Variants in ACSL6 observed in about 807,000 individuals in gnomAD.
ACSL6 encodes long-chain-fatty-acid--CoA ligase 6.
Under a neutral mutation model 98.2 loss-of-function variants are expected in ACSL6, and 47 were observed. That is an observed-to-expected ratio of 0.48 (90% CI 0.38 to 0.61). ACSL6 has a LOEUF of 0.61. Ranked by LOEUF, ACSL6 falls within the 20% of genes least tolerant of loss-of-function variation. ACSL6 has a pLI of 0.00. For synonymous variants in ACSL6, 362 were observed against 336.9 expected, an observed-to-expected ratio of 1.07 and a Z score of -0.82; for missense variants, 761 against 913.4, an observed-to-expected ratio of 0.83 and a Z score of 2.15.
chr5:131,972,413 G>A (rs1407886956), intron 13 of ACSL6, among the ~76,000 whole-genome samples: 2 of 152,128 alleles, frequency 1.3e-5, no homozygotes, highest in Non-Finnish European at 2.9e-5. Flanking sequence ...GAACTTCAGG[G>A]CCCAGGAGCT....
chr5:132,011,997 C>G, upstream of ACSL6: 1 of 1,491,674 alleles, frequency 6.7e-7, no homozygotes, highest in Non-Finnish European at 9.0e-7. The surrounding 1 kb of genome is among the most constrained non-coding windows in gnomAD (Gnocchi z 5.4). Context: ...CCGCCGCCAC[C>G]CACCCCATCA....
In ACSL6 at chr5:131,971,592, T is replaced by C; in HGVS notation, c.1392A>G (p.Ser464=). The change falls in exon 14 of 21, where the codon TCA becomes TCG. Residue 464 remains serine (S), a synonymous_variant. Transcript: ENST00000651883. The part of the protein sequence containing the change: ...RMIVTGAAPA[S]PTVLGFLRAA... The stretch of plus-strand genomic sequence containing the variant: ...CCCGGAGAAATCCCAGAACTGTTGG[T>C]GATGCTGGGGCTGCTCCAGTAACAA... The C allele has an allele frequency of 6.2e-7, 1 of 1,612,128 alleles. No homozygotes were observed. Among genetic ancestry groups the C allele is most frequent in the Non-Finnish European group, 8.5e-7 (1 of 1,178,990 alleles).
At chr5:131,985,503 C>T (rs761712958) in intron 8 of ACSL6, 45 bp from the exon 9 acceptor site, 6 of 1,607,828 alleles carry the variant, frequency 3.7e-6, no homozygotes, top group South Asian at 2.2e-5. Flanking sequence ...CCCAGTGTGG[C>T]CAGCCAGGGC....
At position 131,988,289 on chromosome 5, in the gene ACSL6, GTGCCAGGCAGCACA is replaced by G. The variant is rs1218255696; in HGVS notation, c.653-77_653-64del. On this transcript the variant is annotated intron_variant, in intron 6 of 20. Transcript: ENST00000651883. Reference sequence around the variant, plus strand: ...CCCAGGTCATGAGTGCAGGCAGCATGTGCCAGGCAGCACATGCCAGGCAGCACTTCCATGGTCTG... The same window carrying G: ...CCCAGGTCATGAGTGCAGGCAGCATGTGCCAGGCAGCACTTCCATGGTCTG... The G allele has an allele frequency of 1.8e-5, 28 of 1,575,078 alleles. No individual in the cohort carries two copies. The East Asian group carries it at 2.9e-4, about 16-fold the overall frequency.
intron 12 of ACSL6, among the ~76,000 whole-genome samples, 187 bp downstream of exon 12, chr5:131,973,079 G>A (rs926854091): frequency 2.6e-5 from 4 of 152,260 alleles, no homozygotes; most frequent in South Asian, 2.1e-4. Flanking sequence ...CTCCCGCAGG[G>A]GTATTTGGAG....
Position 131,960,633 on chromosome 5 carries a change from A to G in ACSL6, c.1858-12T>C. ...CCTACCAAAAAGGCCTGCAGTGCTC[A>G]CCAAAGGAGAACACAGTCATGACAA... On this transcript the variant is annotated splice_polypyrimidine_tract_variant and intron_variant, in intron 18 of 20. Coordinates refer to ENST00000651883, the MANE Select transcript of ACSL6 (RefSeq NM_001009185.3). 2 of 1,602,862 alleles carry G rather than the reference A, an allele frequency of 1.2e-6. No individual in the cohort carries two copies. The highest frequency in any genetic ancestry group is 1.7e-6 in the Non-Finnish European group (2 of 1,173,104).
chr5:131,966,742 C>T (rs1753035387), intron 16 of ACSL6, among the ~76,000 whole-genome samples: 1 of 152,226 alleles, frequency 6.6e-6, no homozygotes, highest in Non-Finnish European at 1.5e-5. Flanking sequence ...CCATCTTTCC[C>T]CCCTGCCCTG....
At chr5:132,010,283 C>A (rs1755638412) in intron 1 of ACSL6, among the ~76,000 whole-genome samples, 1 of 152,164 alleles carries the variant, frequency 6.6e-6, no homozygotes, top group Non-Finnish European at 1.5e-5. Context: ...ACTAGGCCCA[C>A]CAACCCTCCA....
intron 10 of ACSL6, 59 bp downstream of exon 10, chr5:131,976,589 C>A: frequency 7.2e-7 from 1 of 1,391,272 alleles, no homozygotes; most frequent in Non-Finnish European, 1.0e-6. Flanking sequence ...AAAAAAAATC[C>A]TCTGAGGCTT....
At chr5:131,966,657 G>A in intron 16 of ACSL6, 125 bp from the exon 17 acceptor site, 1 of 818,738 alleles carries the variant, frequency 1.2e-6, no homozygotes, top group Non-Finnish European at 2.1e-6. Context: ...GATATGGCAG[G>A]GATGGAAACA....
chr5:131,988,362 A>C (rs1754312081), intron 6 of ACSL6, 136 bp from the exon 7 acceptor site: 1 of 1,304,166 alleles, frequency 7.7e-7, no homozygotes. Flanking sequence ...TAAATACATA[A>C]GACAGGCCTC....
At position 131,953,905 on chromosome 5, in the gene ACSL6, T is replaced by C. The variant is rs552498654; in HGVS notation, c.*329A>G. The C allele has an allele frequency of 6.8e-5, 15 of 219,528 alleles. No homozygotes were observed. The highest frequency in any genetic ancestry group is 2.9e-4 in the African/African-American group (13 of 44,584). The allele number at this position is 219,528 out of a possible 1,614,324, so 13.6% of individuals were successfully genotyped here. ...ATAATTAAGTAGAATATATCACTTA[T>C]GTTTTTCCTTTATGTTTAATAGTTC... On this transcript the variant is annotated 3_prime_UTR_variant, in exon 21 of 21. Coordinates refer to ENST00000651883, the MANE Select transcript of ACSL6 (RefSeq NM_001009185.3).
chr5:131,960,651 C>G (rs755736132), intron 18 of ACSL6, 30 bp from the exon 19 acceptor site: 2 of 1,558,128 alleles, frequency 1.3e-6, no homozygotes, highest in South Asian at 2.3e-5. Flanking sequence ...AGAACACAGT[C>G]ATGACAAATG....
chr5:131,989,479 G>A lies in ACSL6; in HGVS notation c.480C>T (p.Ser160=), dbSNP rs771369534. 29 of 1,613,550 alleles carry A rather than the reference G, an allele frequency of 1.8e-5. No homozygotes were observed. The highest frequency in any genetic ancestry group is 1.7e-4 in the Middle Eastern group (1 of 6,058). The change falls in exon 5 of 21, where the codon TCC becomes TCT. Residue 160 remains serine (S), a synonymous_variant. Coordinates refer to ENST00000651883, the MANE Select transcript of ACSL6 (RefSeq NM_001009185.3). ...EVADRAEFLG[S]GLLQHNCKAC... Reference sequence around the variant, plus strand: ...CTTTACAATTGTGCTGGAGAAGTCCGGACCCCAGAAATTCAGCCCTGTCGG... The same window carrying A: ...CTTTACAATTGTGCTGGAGAAGTCCAGACCCCAGAAATTCAGCCCTGTCGG...
At chr5:131,977,820 T>C (rs1349627008) in intron 9 of ACSL6, among the ~76,000 whole-genome samples, 1 of 152,112 alleles carries the variant, frequency 6.6e-6, no homozygotes, top group Non-Finnish European at 1.5e-5. Context: ...CACTTTAAAA[T>C]GGAGTTGATT....
At position 131,988,195 on chromosome 5, in the gene ACSL6, A is replaced by C; in HGVS notation, c.684T>G (p.Pro228=). Residue 228 remains proline (P), a synonymous_variant, in exon 7 of 21, where the codon CCT becomes CCG. Coordinates refer to ENST00000651883, the MANE Select transcript of ACSL6 (RefSeq NM_001009185.3). ...GCTCTAGCAGAAGCACAGCCTTCTG[A>C]GGTTTGTCCACAATCACGGTGCTGA... ...ADISTVIVDK[P]QKAVLLLEHV... The C allele has an allele frequency of 6.2e-7, 1 of 1,614,072 alleles. No individual in the cohort carries two copies. Among genetic ancestry groups the C allele is most frequent in the Non-Finnish European group, 8.5e-7 (1 of 1,180,016 alleles).
At chr5:131,970,621 G>A (rs1029095008) in intron 14 of ACSL6, among the ~76,000 whole-genome samples, 1 of 152,030 alleles carries the variant, frequency 6.6e-6, no homozygotes, top group Non-Finnish European at 1.5e-5. Context: ...GTGTTAGCCA[G>A]GATGGTCTTG....
intron 13 of ACSL6, 39 bp from the exon 14 acceptor site, chr5:131,971,684 C>A: frequency 6.5e-7 from 1 of 1,549,140 alleles, no homozygotes; most frequent in Non-Finnish European, 8.8e-7. Flanking sequence ...TTTGTGATGT[C>A]TGAGATGGTG....
chr5:131,972,962 C>G, intron 12 of ACSL6, 104 bp from the exon 13 acceptor site: 1 of 1,516,970 alleles, frequency 6.6e-7, no homozygotes, highest in Non-Finnish European at 9.0e-7. Context: ...AAGCCATGTT[C>G]CATTTTGCCC....
Sources: gnomAD v4.1 joint callset for allele counts (sites outside exome capture counted in the v4.1 genomes callset) on GRCh38, gnomAD v4.1.1 for gene constraint, Gnocchi (gnomAD v3.1) non-coding constraint, MANE v1.5 for transcripts, NCBI Gene and HGNC (gene_info 2026-07-23, HGNC 2026-07-21) for gene names.